The following MIPOL1 variants were observed in gnomAD, a reference collection of about 807,000 sequenced individuals.
The protein encoded by MIPOL1 is mirror-image polydactyly 1.
A neutral mutation model predicts 60.9 loss-of-function variants in MIPOL1; 57 were observed. That is an observed-to-expected ratio of 0.94 (90% CI 0.76 to 1.17). The LOEUF (loss-of-function observed/expected upper bound fraction) is 1.17. Ranked by LOEUF, MIPOL1 falls within the 50% of genes most tolerant of loss-of-function variation. The probability of loss-of-function intolerance (pLI) is 0.00; values close to 1 mark genes in which losing one functional copy is unlikely to be tolerated. For synonymous variants in MIPOL1, 179 were observed against 168.8 expected (o/e 1.06, Z -0.47); for missense variants, 551 against 511.6 (o/e 1.08, Z -0.74).
intron 11 of MIPOL1, 52 bp from the exon 12 acceptor site, chr14:37,499,856 G>T (rs2095189538): frequency 1.1e-6 from 1 of 917,488 alleles, no homozygotes; most frequent in Non-Finnish European, 1.6e-6. Context: ...ATAGATCATA[G>T]ATCACTCAGT....
intron 10 of MIPOL1, among the ~76,000 whole-genome samples, chr14:37,405,961 T>C (rs1166475473): frequency 6.6e-6 from 1 of 151,950 alleles, no homozygotes; most frequent in Non-Finnish European, 1.5e-5. Context: ...CTTTTATACT[T>C]TCTTTATAGC....
chr14:37,509,649 A>G (rs1317855183), intron 12 of MIPOL1, among the ~76,000 whole-genome samples: 1 of 151,250 alleles, frequency 6.6e-6, no homozygotes, highest in African/African-American at 2.4e-5. Flanking sequence ...ATATACACAT[A>G]TATTGTTTAT....
intron 12 of MIPOL1, among the ~76,000 whole-genome samples, chr14:37,541,285 A>G (rs956318177): frequency 2.0e-5 from 3 of 152,204 alleles, no homozygotes; most frequent in African/African-American, 4.8e-5. Context: ...TTCTCCCCGT[A>G]GAGTAACAGC....
In MIPOL1 at chr14:37,302,470, T is replaced by G. The variant is rs184659997; in HGVS notation, c.624-5586T>G. Among the ~76,000 whole-genome samples the G allele has an allele frequency of 2.7e-3, 417 of 151,838 alleles. 1 individual carries two copies. Among genetic ancestry groups the G allele is most frequent in the African/African-American group, 9.0e-3 (374 of 41,506 alleles). The stretch of plus-strand genomic sequence containing the variant: ...ATTGGATTATTTTTTCCTTGTTGTT[T>G]AAAAGAGTTGTTTATATTCTGGATA... On this transcript the variant is annotated intron_variant, in intron 7 of 12. Transcript: ENST00000684589.
intron 12 of MIPOL1, among the ~76,000 whole-genome samples, chr14:37,544,886 G>A (rs1001402865): frequency 2.6e-5 from 4 of 152,122 alleles, no homozygotes; most frequent in South Asian, 2.1e-4. Flanking sequence ...AGTTCTAAAT[G>A]GAAAGATGTC....
intron 3 of MIPOL1, among the ~76,000 whole-genome samples, chr14:37,258,947 C>T (rs1223619753): frequency 6.6e-6 from 1 of 151,732 alleles, no homozygotes; most frequent in African/African-American, 2.4e-5. Flanking sequence ...CATGAATAGC[C>T]AATAGATAGT....
At chr14:37,265,751 T>G (rs2082830392) in intron 3 of MIPOL1, among the ~76,000 whole-genome samples, 1 of 152,130 alleles carries the variant, frequency 6.6e-6, no homozygotes, top group African/African-American at 2.4e-5. Flanking sequence ...GAGGATTGCT[T>G]AAACCCAGGA....
intron 9 of MIPOL1, among the ~76,000 whole-genome samples, chr14:37,365,754 G>A (rs1160195784): frequency 6.6e-6 from 1 of 151,954 alleles, no homozygotes; most frequent in Non-Finnish European, 1.5e-5. Flanking sequence ...CTCTTCTTCT[G>A]TTTTCCAGAA....
chr14:37,340,413 TAA>T (rs1457481489), intron 9 of MIPOL1, among the ~76,000 whole-genome samples: 1 of 152,074 alleles, frequency 6.6e-6, no homozygotes, highest in South Asian at 2.1e-4. Context: ...GTTTATGAAG[TAA>T]AAAAGTTACA....
At chr14:37,249,362 A>G (rs1463782849) in intron 3 of MIPOL1, among the ~76,000 whole-genome samples, 2 of 152,206 alleles carry the variant, frequency 1.3e-5, no homozygotes, top group Admixed American at 6.6e-5. Flanking sequence ...GGACCGTTCT[A>G]TAATCATTGT....
chr14:37,288,594 A>G (rs766171421), intron 7 of MIPOL1, among the ~76,000 whole-genome samples: 13 of 152,096 alleles, frequency 8.5e-5, no homozygotes, highest in Middle Eastern at 3.2e-3. Context: ...GCTTGAGTCC[A>G]GGAGTTCAAG....
chr14:37,315,704 G>A (rs558175812), intron 9 of MIPOL1, among the ~76,000 whole-genome samples: 1 of 152,202 alleles, frequency 6.6e-6, no homozygotes, highest in South Asian at 2.1e-4. Context: ...TTTGGGAGGG[G>A]TATGACATTC....
intron 12 of MIPOL1, chr14:37,523,669 T>G: frequency 2.9e-6 from 1 of 350,416 alleles, no homozygotes; most frequent in Non-Finnish European, 5.2e-6. Flanking sequence ...ACATCTTCTG[T>G]GTGTTCCAGG....
intron 12 of MIPOL1, among the ~76,000 whole-genome samples, chr14:37,529,316 A>C (rs2095466506): frequency 1.3e-5 from 2 of 152,158 alleles, no homozygotes; most frequent in Non-Finnish European, 2.9e-5. Flanking sequence ...AAATCAAAAA[A>C]ATTGTGTCAT....
chr14:37,342,460 C>T (rs966154770), intron 9 of MIPOL1, among the ~76,000 whole-genome samples: 9 of 151,130 alleles, frequency 6.0e-5, no homozygotes, highest in East Asian at 3.9e-4. Context: ...TGCAGTGGTG[C>T]GATCTCGGCT....
chr14:37,499,897 T>C lies in MIPOL1; in HGVS notation c.1032-11T>C, dbSNP rs1156428193. 6.9e-7 allele frequency: 1 copy of C among 1,452,552 alleles called. No individual in the cohort carries two copies. The highest frequency in any genetic ancestry group is 9.4e-7 in the Non-Finnish European group (1 of 1,060,190). 90.0% of individuals were successfully genotyped at this position (1,452,552 alleles called of 1,614,324 possible). On this transcript the variant is annotated splice_polypyrimidine_tract_variant and intron_variant, in intron 11 of 12. Coordinates refer to ENST00000684589, the MANE Select transcript of MIPOL1 (RefSeq NM_001388067.1). ...TTACTTATCTTTAAATTTTTTTTAA[T>C]ATTTTCTCAGTTTACACAAATCTTT...
chr14:37,338,862 C>T (rs1263274844), intron 9 of MIPOL1, among the ~76,000 whole-genome samples: 4 of 152,176 alleles, frequency 2.6e-5, no homozygotes, highest in African/African-American at 9.7e-5. Context: ...CTCAACAAGA[C>T]AGCTAACACT....
chr14:37,440,212 A>T (rs2094220196), intron 11 of MIPOL1, among the ~76,000 whole-genome samples: 1 of 152,230 alleles, frequency 6.6e-6, no homozygotes, highest in African/African-American at 2.4e-5. Context: ...GTTTCATGTC[A>T]TAATGTCTAA....
intron 9 of MIPOL1, among the ~76,000 whole-genome samples, chr14:37,330,130 C>A (rs1253159425): frequency 1.3e-5 from 2 of 151,922 alleles, no homozygotes; most frequent in Non-Finnish European, 2.9e-5. Context: ...TTATAATTAT[C>A]TTTATTTTAG....
Sources: allele counts gnomAD v4.1 joint callset (sites outside exome capture counted in the v4.1 genomes callset), GRCh38; gene constraint gnomAD v4.1.1; transcripts MANE v1.5; gene names NCBI Gene and HGNC (gene_info 2026-07-23, HGNC 2026-07-21).